Variants in SPHKAP observed in about 807,000 individuals in gnomAD.
The protein encoded by SPHKAP is SPHK1 interactor, AKAP domain containing.
Under a neutral mutation model 137.5 loss-of-function variants are expected in SPHKAP, and 67 were observed. The ratio of observed to expected loss-of-function variants is 0.49; its 90% CI spans 0.40 to 0.60. SPHKAP has a LOEUF of 0.60. Among genes scored for constraint, SPHKAP ranks in the 20% least tolerant of loss-of-function variants. The probability of loss-of-function intolerance (pLI) is 0.00; values close to 1 mark genes in which losing one functional copy is unlikely to be tolerated. For synonymous variants in SPHKAP, 813 were observed against 785.3 expected (o/e 1.04, Z -0.59); for missense variants, 2,097 against 2,069.3 (o/e 1.01, Z -0.26).
At chr2:228,116,385 C>A (rs957775720) in intron 2 of SPHKAP, among the ~76,000 whole-genome samples, 1 of 152,124 alleles carries the variant, frequency 6.6e-6, no homozygotes, top group East Asian at 1.9e-4. Context: ...AGTCACTTAA[C>A]TTCTTTGAGA....
intron 3 of SPHKAP, among the ~76,000 whole-genome samples, chr2:228,049,803 C>T (rs1467028314): frequency 6.6e-6 from 1 of 152,110 alleles, no homozygotes; most frequent in Non-Finnish European, 1.5e-5. Context: ...CCAGTTGCAC[C>T]CATGTTGCTG....
At chr2:228,100,886 C>T (rs1195113148) in intron 3 of SPHKAP, among the ~76,000 whole-genome samples, 1 of 152,110 alleles carries the variant, frequency 6.6e-6, no homozygotes, top group African/African-American at 2.4e-5. Context: ...GGAGTCCCTA[C>T]TCCTTTATTT....
At chr2:228,034,120 G>A (rs1297655777) in intron 3 of SPHKAP, among the ~76,000 whole-genome samples, 1 of 151,970 alleles carries the variant, frequency 6.6e-6, no homozygotes, top group Non-Finnish European at 1.5e-5. Flanking sequence ...CAACAAAATT[G>A]ATAGACCGCT....
intron 7 of SPHKAP, among the ~76,000 whole-genome samples, chr2:228,005,038 G>T (rs1338597674): frequency 6.6e-6 from 1 of 152,158 alleles, no homozygotes; most frequent in East Asian, 1.9e-4. Flanking sequence ...CTGTTGATTT[G>T]GGGTGGAGAG....
chr2:228,040,746 TAAAA>T (rs957843047), intron 3 of SPHKAP, among the ~76,000 whole-genome samples: 3 of 152,116 alleles, frequency 2.0e-5, no homozygotes, highest in African/African-American at 7.2e-5. Flanking sequence ...AAAATAAAAT[TAAAA>T]AAATAAGTAT....
At chr2:228,114,653 A>G (rs1027579694) in intron 2 of SPHKAP, among the ~76,000 whole-genome samples, 1 of 152,196 alleles carries the variant, frequency 6.6e-6, no homozygotes, top group Non-Finnish European at 1.5e-5. Context: ...GGTTGCTATT[A>G]GTATCAGAAA....
At chr2:228,111,100 A>G (rs1436264258) in intron 2 of SPHKAP, among the ~76,000 whole-genome samples, 3 of 152,186 alleles carry the variant, frequency 2.0e-5, no homozygotes, top group Non-Finnish European at 4.4e-5. Context: ...CCATTGACCT[A>G]GATGAACTTT....
chr2:228,000,959 C>G (rs1267746989), intron 7 of SPHKAP, among the ~76,000 whole-genome samples: 3 of 152,092 alleles, frequency 2.0e-5, no homozygotes, highest in African/African-American at 7.2e-5. Flanking sequence ...GTAAAACACT[C>G]CCCAAATGTC....
chr2:228,103,765 G>A (rs1698247862), intron 3 of SPHKAP, among the ~76,000 whole-genome samples: 1 of 152,124 alleles, frequency 6.6e-6, no homozygotes, highest in Non-Finnish European at 1.5e-5. Context: ...CTTAAAAACT[G>A]TTAAATAAGT....
chr2:227,982,886 T>G (rs1693052259), intron 11 of SPHKAP, among the ~76,000 whole-genome samples: 1 of 152,144 alleles, frequency 6.6e-6, no homozygotes, highest in Admixed American at 6.5e-5. Context: ...ACAGAAGGGT[T>G]GCAAGACCAA....
intron 3 of SPHKAP, among the ~76,000 whole-genome samples, chr2:228,106,103 C>T (rs1698337578): frequency 6.6e-6 from 1 of 152,180 alleles, no homozygotes; most frequent in Non-Finnish European, 1.5e-5. Flanking sequence ...ATGACTATAA[C>T]TCATCATTTG....
At chr2:228,015,372 C>T (rs1694540973) in intron 7 of SPHKAP, among the ~76,000 whole-genome samples, 1 of 151,716 alleles carries the variant, frequency 6.6e-6, no homozygotes, top group Admixed American at 6.6e-5. Context: ...AATAGTGCTG[C>T]AATAAACATA....
chr2:228,111,647 A>G (rs1216303496), intron 2 of SPHKAP, among the ~76,000 whole-genome samples: 2 of 152,084 alleles, frequency 1.3e-5, no homozygotes, highest in Admixed American at 6.6e-5. Flanking sequence ...TCCTATATGT[A>G]TATTTTTACT....
chr2:228,132,423 C>A (rs1233601600), intron 1 of SPHKAP: 1 of 414,040 alleles, frequency 2.4e-6, no homozygotes, highest in Admixed American at 6.5e-5. Flanking sequence ...TTCTCAATTG[C>A]CACATTAATT....
intron 2 of SPHKAP, chr2:228,109,203 T>C (rs1468649563): frequency 4.6e-6 from 1 of 218,866 alleles, no homozygotes; most frequent in Non-Finnish European, 7.7e-6. Context: ...ATGTCAATTG[T>C]GTAGCTTTTG....
intron 3 of SPHKAP, among the ~76,000 whole-genome samples, chr2:228,032,785 T>A (rs953059942): frequency 6.6e-6 from 1 of 152,068 alleles, no homozygotes. Context: ...CTAAGCTTCA[T>A]AAGTGAAGGA....
chr2:228,006,231 G>C (rs1694124231), intron 7 of SPHKAP, among the ~76,000 whole-genome samples: 1 of 152,110 alleles, frequency 6.6e-6, no homozygotes, highest in South Asian at 2.1e-4. Flanking sequence ...TGGAGGCTTT[G>C]TTCATTTCTC....
chr2:228,028,619 A>G (rs1695154482), intron 3 of SPHKAP, among the ~76,000 whole-genome samples: 1 of 152,190 alleles, frequency 6.6e-6, no homozygotes, highest in Admixed American at 6.5e-5. Flanking sequence ...ACAAATACTT[A>G]ATGATTGTGT....
chr2:228,179,741 G>T (rs1700845162), intron 1 of SPHKAP, among the ~76,000 whole-genome samples: 1 of 152,174 alleles, frequency 6.6e-6, no homozygotes, highest in Admixed American at 6.5e-5. Flanking sequence ...GAGTTGCTTT[G>T]CTCTTTATAA....
Sources: gnomAD v4.1 joint callset for allele counts (sites outside exome capture counted in the v4.1 genomes callset) on GRCh38, gnomAD v4.1.1 for gene constraint, MANE v1.5 for transcripts, NCBI Gene and HGNC (gene_info 2026-07-23, HGNC 2026-07-21) for gene names.